The following TBC1D5 variants were observed in gnomAD, a reference collection of about 807,000 sequenced individuals.
The protein encoded by TBC1D5 is TBC1 domain family member 5, also known as TBC1 domain family, member 5.
Under a neutral mutation model 100.3 loss-of-function variants are expected in TBC1D5, and 75 were observed. That is an observed-to-expected ratio of 0.75 (90% CI 0.62 to 0.91). The LOEUF (loss-of-function observed/expected upper bound fraction) is 0.91, where lower values mean the gene tolerates loss of function less well. TBC1D5 is among the 40% of genes least tolerant of loss of function. The pLI, the probability that TBC1D5 is intolerant of heterozygous loss-of-function variation, is 0.00. For synonymous variants in TBC1D5, 323 were observed against 325.6 expected, an observed-to-expected ratio of 0.99 and a Z score of 0.09; for missense variants, 910 against 942.4, an observed-to-expected ratio of 0.97 and a Z score of 0.45.
At chr3:17,706,219 T>C (rs917197880) in intron 1 of TBC1D5, 57 of 1,549,628 alleles carry the variant, frequency 3.7e-5, no homozygotes, top group African/African-American at 3.2e-4. Flanking sequence ...AGGCCCAGGC[T>C]GTGGAGGCGG....
At chr3:17,530,607 T>C (rs1006640070) in intron 2 of TBC1D5, among the ~76,000 whole-genome samples, 1 of 152,198 alleles carries the variant, frequency 6.6e-6, no homozygotes, top group African/African-American at 2.4e-5. Flanking sequence ...TGAATAGTTA[T>C]ATTTTCTTGA....
chr3:17,246,971 C>T (rs890548763), intron 16 of TBC1D5, among the ~76,000 whole-genome samples: 1 of 152,128 alleles, frequency 6.6e-6, no homozygotes, highest in African/African-American at 2.4e-5. Flanking sequence ...TTGGGTCACA[C>T]CAAATTGTTT....
intron 3 of TBC1D5, among the ~76,000 whole-genome samples, chr3:17,469,713 C>T (rs2095350959): frequency 6.6e-6 from 1 of 152,176 alleles, no homozygotes; most frequent in Non-Finnish European, 1.5e-5. Context: ...ATGCTAATTC[C>T]CTGCTGTTTT....
chr3:17,693,853 G>C (rs11128842), intron 1 of TBC1D5, among the ~76,000 whole-genome samples: 76,028 of 152,008 alleles, frequency 0.5, 20,546 homozygotes, highest in East Asian at 0.94. Flanking sequence ...CCTCATATAA[G>C]CGGGTGCCCC....
At chr3:17,423,959 T>C (rs1559855925) in intron 4 of TBC1D5, among the ~76,000 whole-genome samples, 2 of 152,108 alleles carry the variant, frequency 1.3e-5, no homozygotes, top group Non-Finnish European at 2.9e-5. Flanking sequence ...TTTTTGGCTA[T>C]AGAGACACAA....
intron 16 of TBC1D5, among the ~76,000 whole-genome samples, chr3:17,252,945 A>G (rs2077298697): frequency 6.6e-6 from 1 of 152,168 alleles, no homozygotes; most frequent in South Asian, 2.1e-4. Context: ...TCTCACATAA[A>G]CCTAAACATC....
At chr3:17,633,385 G>A (rs1005190545) in intron 1 of TBC1D5, among the ~76,000 whole-genome samples, 2 of 151,488 alleles carry the variant, frequency 1.3e-5, no homozygotes, top group African/African-American at 2.4e-5. Flanking sequence ...GCAGTAAGCC[G>A]AGATCACACC....
At chr3:17,723,478 G>A (rs1020812303) in intron 1 of TBC1D5, among the ~76,000 whole-genome samples, 1 of 152,096 alleles carries the variant, frequency 6.6e-6, no homozygotes, top group Non-Finnish European at 1.5e-5. Context: ...TAATGTATTG[G>A]TAAAAGTACT....
chr3:17,165,554 T>C (rs1436890097), intron 21 of TBC1D5, among the ~76,000 whole-genome samples: 1 of 152,242 alleles, frequency 6.6e-6, no homozygotes, highest in Non-Finnish European at 1.5e-5. Context: ...ACATTTCATA[T>C]GGCTTCAAGA....
intron 17 of TBC1D5, among the ~76,000 whole-genome samples, chr3:17,234,431 G>GAA (rs36030574): frequency 0.031 from 4,555 of 144,764 alleles, 176 homozygotes; most frequent in African/African-American, 0.095. Flanking sequence ...AAGGAAACAG[G>GAA]AAAAAAAAAA....
intron 14 of TBC1D5, among the ~76,000 whole-genome samples, chr3:17,303,030 G>A (rs1021991645): frequency 6.6e-6 from 1 of 152,172 alleles, no homozygotes; most frequent in Admixed American, 6.5e-5. Context: ...TCTTGACCAT[G>A]GCCAAAAATA....
chr3:17,740,575 G>A (rs978427092), exon 1 of TBC1D5: 1 of 152,184 alleles, frequency 6.6e-6, no homozygotes, highest in African/African-American at 2.4e-5. Context: ...ATGAAGTTAT[G>A]TGTGACATTT....
At chr3:17,176,254 G>C (rs2067714756) in intron 19 of TBC1D5, among the ~76,000 whole-genome samples, 1 of 152,186 alleles carries the variant, frequency 6.6e-6, no homozygotes, top group Non-Finnish European at 1.5e-5. Context: ...TACTGTTTGT[G>C]AAGTACCTGG....
chr3:17,281,607 T>C (rs1445471445), intron 15 of TBC1D5, among the ~76,000 whole-genome samples: 2 of 152,260 alleles, frequency 1.3e-5, no homozygotes, highest in African/African-American at 4.8e-5. Flanking sequence ...GGTAATCATA[T>C]GTGTGCTTGA....
intron 15 of TBC1D5, among the ~76,000 whole-genome samples, chr3:17,288,586 A>T (rs780824120): frequency 1.4e-4 from 21 of 151,994 alleles, no homozygotes; most frequent in African/African-American, 2.4e-5. Flanking sequence ...CATTTTTTGC[A>T]TACTCACAAA....
intron 1 of TBC1D5, among the ~76,000 whole-genome samples, chr3:17,720,141 C>T (rs2075573338): frequency 6.6e-6 from 1 of 152,120 alleles, no homozygotes; most frequent in Non-Finnish European, 1.5e-5. Flanking sequence ...AAAGCCGTGT[C>T]GCTCTTTTTA....
At chr3:17,667,940 G>A (rs1054704801) in intron 1 of TBC1D5, among the ~76,000 whole-genome samples, 1 of 150,912 alleles carries the variant, frequency 6.6e-6, no homozygotes, top group Admixed American at 6.6e-5. Context: ...TAAGATTAAC[G>A]CATTTAATAA....
At chr3:17,413,170 A>C (rs979242744) in intron 4 of TBC1D5, among the ~76,000 whole-genome samples, 5 of 152,184 alleles carry the variant, frequency 3.3e-5, no homozygotes, top group African/African-American at 1.2e-4. Context: ...CCCTGAAAAC[A>C]ATCAGCATCT....
intron 17 of TBC1D5, among the ~76,000 whole-genome samples, chr3:17,215,694 C>T (rs2073550941): frequency 6.6e-6 from 1 of 152,070 alleles, no homozygotes; most frequent in South Asian, 2.1e-4. Context: ...TTTAGGACCA[C>T]AGATTGGCCC....
Sources: allele counts gnomAD v4.1 joint callset (sites outside exome capture counted in the v4.1 genomes callset), GRCh38; gene constraint gnomAD v4.1.1; transcripts MANE v1.5; gene names NCBI Gene and HGNC (gene_info 2026-07-23, HGNC 2026-07-21).